GABRB1: variants seen among roughly 807,000 people sequenced by gnomAD.
GABRB1 encodes the protein gamma-aminobutyric acid type A receptor subunit beta1, also known as gamma-aminobutyric acid receptor subunit beta-1.
In GABRB1, 17 loss-of-function variants were observed where a neutral mutation model predicts 51.6. The observed-to-expected ratio is 0.33, with a 90% CI of 0.23 to 0.49. GABRB1 has a LOEUF of 0.49. Among genes scored for constraint, GABRB1 ranks in the 20% least tolerant of loss-of-function variants. The pLI is 0.99. For synonymous variants in GABRB1, 247 were observed against 218.9 expected (o/e 1.13, Z -1.14); for missense variants, 410 against 600.6 (o/e 0.68, Z 3.32).
chr4:47,103,963 A>T (rs1033778155), intron 3 of GABRB1, among the ~76,000 whole-genome samples: 1 of 151,776 alleles, frequency 6.6e-6, no homozygotes, highest in Non-Finnish European at 1.5e-5. Flanking sequence ...AATAAATTTC[A>T]TATTTTCTTT....
chr4:47,298,595 A>G (rs1275241289), intron 4 of GABRB1, among the ~76,000 whole-genome samples: 1 of 152,206 alleles, frequency 6.6e-6, no homozygotes, highest in Non-Finnish European at 1.5e-5. Context: ...AAGAGGATAC[A>G]AAGAAATGGA....
chr4:47,357,705 T>C (rs2110006291), intron 5 of GABRB1, among the ~76,000 whole-genome samples: 1 of 152,276 alleles, frequency 6.6e-6, no homozygotes, highest in Middle Eastern at 3.4e-3. Flanking sequence ...ATGGTACAAG[T>C]AATGTTCAGA....
At chr4:47,306,118 G>C (rs1320788168) in intron 4 of GABRB1, among the ~76,000 whole-genome samples, 1 of 151,990 alleles carries the variant, frequency 6.6e-6, no homozygotes, top group African/African-American at 2.4e-5. Flanking sequence ...ACAACATGTT[G>C]CCCTATTTGC....
intron 4 of GABRB1, among the ~76,000 whole-genome samples, chr4:47,195,394 TG>T: frequency 1.1e-5 from 1 of 92,232 alleles, no homozygotes; most frequent in East Asian, 2.8e-4. Flanking sequence ...GATAGATAGA[TG>T]ATAGATAGAT....
At chr4:47,349,401 G>A (rs562341732) in intron 5 of GABRB1, among the ~76,000 whole-genome samples, 2 of 152,104 alleles carry the variant, frequency 1.3e-5, no homozygotes, top group Admixed American at 1.3e-4. Flanking sequence ...AGGAAAGAAA[G>A]GACAGTAGTA....
intron 4 of GABRB1, among the ~76,000 whole-genome samples, chr4:47,210,173 T>G (rs1377319754): frequency 1.3e-5 from 2 of 152,130 alleles, no homozygotes; most frequent in Non-Finnish European, 2.9e-5. Flanking sequence ...CTATTAATGG[T>G]AGGACACAGC....
intron 4 of GABRB1, among the ~76,000 whole-genome samples, chr4:47,293,497 G>A (rs924262157): frequency 4.7e-4 from 72 of 152,042 alleles, no homozygotes; most frequent in African/African-American, 1.6e-3. Context: ...AAGTACTTGA[G>A]GATTTTCAGG....
At chr4:47,343,627 T>G (rs934653163) in intron 5 of GABRB1, among the ~76,000 whole-genome samples, 5 of 152,140 alleles carry the variant, frequency 3.3e-5, no homozygotes. Flanking sequence ...ATTGAGAGAA[T>G]GGCTGAGAAT....
intron 4 of GABRB1, among the ~76,000 whole-genome samples, chr4:47,186,548 C>G (rs142178087): frequency 1.3e-5 from 2 of 151,824 alleles, no homozygotes; most frequent in African/African-American, 4.8e-5. Flanking sequence ...ATGGCCCATG[C>G]ACTTTCCAGG....
intron 4 of GABRB1, among the ~76,000 whole-genome samples, chr4:47,284,585 G>A (rs1170267892): frequency 1.3e-5 from 2 of 152,138 alleles, no homozygotes; most frequent in African/African-American, 4.8e-5. Flanking sequence ...ATAATTCTGA[G>A]TTATTTATGT....
intron 3 of GABRB1, among the ~76,000 whole-genome samples, chr4:47,118,175 T>C (rs1196385086): frequency 6.6e-6 from 1 of 152,016 alleles, no homozygotes; most frequent in African/African-American, 2.4e-5. Flanking sequence ...TTAAAAACTA[T>C]GTTAATAAGA....
chr4:47,137,106 A>G (rs1716694737), intron 3 of GABRB1, among the ~76,000 whole-genome samples: 1 of 152,138 alleles, frequency 6.6e-6, no homozygotes, highest in Non-Finnish European at 1.5e-5. Context: ...TGCGCTAAAA[A>G]ATGGCTTAAA....
At chr4:47,097,651 A>C (rs2109599805) in intron 3 of GABRB1, among the ~76,000 whole-genome samples, 1 of 152,336 alleles carries the variant, frequency 6.6e-6, no homozygotes, top group Non-Finnish European at 1.5e-5. Context: ...GGTGCCTAGA[A>C]CATTGCTTGG....
chr4:47,154,315 T>C lies in GABRB1; in HGVS notation c.241-6934T>C, dbSNP rs138809731. Among the ~76,000 whole-genome samples, 573 of 150,934 alleles carry C rather than the reference T, an allele frequency of 3.8e-3. 6 individuals carry two copies. Among genetic ancestry groups the C allele is most frequent in the African/African-American group, 0.013 (522 of 41,114 alleles). ...TTCTTTTTACTGGCATGTATACTAG[T>C]ATATACAGGTGACTTGTCCTGGTAA... On this transcript the variant is annotated intron_variant, in intron 3 of 8. Transcript: ENST00000295454.
chr4:47,314,468 T>A (rs1270242736), intron 4 of GABRB1, among the ~76,000 whole-genome samples: 1 of 152,018 alleles, frequency 6.6e-6, no homozygotes, highest in Non-Finnish European at 1.5e-5. Context: ...GATTTAATAA[T>A]GGAGTGGTTA....
At chr4:47,076,860 G>A (rs1727577616) in intron 3 of GABRB1, among the ~76,000 whole-genome samples, 1 of 152,042 alleles carries the variant, frequency 6.6e-6, no homozygotes, top group African/African-American at 2.4e-5. Flanking sequence ...TCCACGAGGG[G>A]CCCCATTTTA....
chr4:47,382,200 A>G lies in GABRB1; in HGVS notation c.545-21118A>G, dbSNP rs761151267. 5.5e-4 allele frequency among the ~76,000 whole-genome samples: 83 copies of G among 152,206 alleles called. 1 individual carries two copies. Among genetic ancestry groups the G allele is most frequent in the Non-Finnish European group, 1.3e-4 (9 of 68,016 alleles). On this transcript the variant is annotated intron_variant, in intron 5 of 8. Transcript: ENST00000295454. ...ACACAGCATCTCATAGCTATAGGCC[A>G]GGGTTTTTCAACATCAGCAATATTG... is the stretch of plus-strand genomic sequence containing the variant.
At chr4:47,353,588 C>T (rs1049724644) in intron 5 of GABRB1, among the ~76,000 whole-genome samples, 15 of 152,152 alleles carry the variant, frequency 9.9e-5, no homozygotes, top group African/African-American at 3.4e-4. Flanking sequence ...CTCTTCCTTT[C>T]TTAATAGTAA....
At chr4:47,082,128 A>G (rs2109568810) in intron 3 of GABRB1, among the ~76,000 whole-genome samples, 1 of 152,196 alleles carries the variant, frequency 6.6e-6, no homozygotes, top group South Asian at 2.1e-4. Context: ...TTTGTCATAT[A>G]ATACCAACTC....
Sources: gnomAD v4.1 joint callset for allele counts (sites outside exome capture counted in the v4.1 genomes callset) on GRCh38, gnomAD v4.1.1 for gene constraint, MANE v1.5 for transcripts, NCBI Gene and HGNC (gene_info 2026-07-23, HGNC 2026-07-21) for gene names.